Variants in DCUN1D3 observed in about 807,000 individuals in gnomAD.
DCUN1D3 encodes DCN1-like protein 3.
DCUN1D3 carries 6 observed loss-of-function variants against 24.8 expected under a neutral mutation model. The ratio of observed to expected loss-of-function variants is 0.24; its 90% CI spans 0.13 to 0.48. DCUN1D3 has a LOEUF of 0.48. Ranked by LOEUF, DCUN1D3 falls within the 20% of genes least tolerant of loss-of-function variation. The pLI, the probability that DCUN1D3 is intolerant of heterozygous loss-of-function variation, is 0.99. For missense variants in DCUN1D3, 258 were observed against 379.4 expected (o/e 0.68, Z 2.66); for synonymous variants, 120 against 144.9 (o/e 0.83, Z 1.24).
Position 20,862,735 on chromosome 16 carries a change from T to C in DCUN1D3, c.-105-92A>G, listed in dbSNP as rs1315476192. 6 of 1,233,584 alleles carry C rather than the reference T, an allele frequency of 4.9e-6. No homozygotes were observed. In the Admixed American group the frequency reaches 1.8e-4, roughly 37 times the overall value. The allele number at this position is 1,233,584 out of a possible 1,614,324, so 76.4% of individuals were successfully genotyped here. A position where few individuals can be genotyped will look rare whatever the true frequency, so the allele number is the denominator to read the frequency against. ...GGTGCACACTGGTTCACCGCTCTATTTCCATGAGCCAACAACGAACCATGG... is the reference window on the plus strand; with the variant it reads ...GGTGCACACTGGTTCACCGCTCTATCTCCATGAGCCAACAACGAACCATGG... On this transcript the variant is annotated intron_variant, in intron 1 of 2. Transcript: ENST00000324344.
chr16:20,879,615 A>G (rs574095658), intron 1 of DCUN1D3, among the ~76,000 whole-genome samples: 1 of 152,370 alleles, frequency 6.6e-6, no homozygotes, highest in Non-Finnish European at 1.5e-5. Flanking sequence ...AAATGCAGGC[A>G]TTTAACAAGT....
chr16:20,860,241 A>G lies in DCUN1D3; in HGVS notation c.560T>C (p.Phe187Ser). The change falls in exon 3 of 3, where the codon TTT (phenylalanine) becomes TCT (serine). Residue 187 changes from phenylalanine to serine, a missense_variant. Physicochemically the swap from Phe to Ser is radical, Grantham distance 155. Coordinates refer to ENST00000324344, the MANE Select transcript of DCUN1D3 (RefSeq NM_173475.4). This position sits in a 1 kb window ranked among gnomAD's most constrained non-coding sequence, Gnocchi z 4.3. ...DKFKDLYRFT[F>S]QFGLDSEEGQ... The stretch of plus-strand genomic sequence containing the variant: ...TTCTTCAGAGTCCAGGCCAAACTGA[A>G]ATGTAAACCGGTAGAGATCCTTGAA... 6.2e-7 allele frequency: 1 copy of G among 1,614,236 alleles called. No homozygotes were observed. Among genetic ancestry groups the G allele is most frequent in the Admixed American group, 1.7e-5 (1 of 60,034 alleles).
intron 1 of DCUN1D3, among the ~76,000 whole-genome samples, chr16:20,884,530 G>A (rs2081859882): frequency 6.6e-6 from 1 of 152,170 alleles, no homozygotes; most frequent in African/African-American, 2.4e-5. Flanking sequence ...TCTTATAATT[G>A]TATATCCAAG....
intron 1 of DCUN1D3, among the ~76,000 whole-genome samples, chr16:20,866,456 A>G (rs2081762695): frequency 6.6e-6 from 1 of 151,810 alleles, no homozygotes; most frequent in Admixed American, 6.6e-5. Flanking sequence ...CCCCGCCCCC[A>G]CTGGACAGAT....
At chr16:20,882,213 G>A (rs949713734) in intron 1 of DCUN1D3, among the ~76,000 whole-genome samples, 14 of 151,154 alleles carry the variant, frequency 9.3e-5, no homozygotes, top group African/African-American at 3.4e-4. Flanking sequence ...CTGACTGAGA[G>A]CCTCTCTGCC....
Position 20,859,507 on chromosome 16 carries a change from C to T in DCUN1D3, c.*379G>A, listed in dbSNP as rs78422650. On this transcript the variant is annotated 3_prime_UTR_variant, in exon 3 of 3. Transcript: ENST00000324344. ...TAATGTTAATTCAACCTAACAGTCCCATCCCCCCGCCCTGCTCTATGCCCT... is the reference window on the plus strand; with the variant it reads ...TAATGTTAATTCAACCTAACAGTCCTATCCCCCCGCCCTGCTCTATGCCCT... 1 of 169,864 alleles carries T rather than the reference C, an allele frequency of 5.9e-6. No individual in the cohort carries two copies. Among genetic ancestry groups the T allele is most frequent in the African/African-American group, 2.5e-5 (1 of 39,230 alleles). 10.5% of individuals were successfully genotyped at this position (169,864 alleles called of 1,614,324 possible). A position where few individuals can be genotyped will look rare whatever the true frequency, so the allele number is the denominator to read the frequency against.
rs1386380289 is a variant in DCUN1D3 at position 20,855,088 on chromosome 16, A to G, written c.*4798T>C. 6.6e-6 allele frequency: 1 copy of G among 152,616 alleles called. No individual in the cohort carries two copies. The highest frequency in any genetic ancestry group is 1.5e-5 in the Non-Finnish European group (1 of 68,032). The allele number at this position is 152,616 out of a possible 1,614,324, so 9.5% of individuals were successfully genotyped here. A position where few individuals can be genotyped will look rare whatever the true frequency, so the allele number is the denominator to read the frequency against. On this transcript the variant is annotated 3_prime_UTR_variant, in exon 3 of 3. Coordinates refer to ENST00000324344, the MANE Select transcript of DCUN1D3 (RefSeq NM_173475.4). ...CAACAGTGCAGAAAATACAAACAAAAGTATTAACTTTTGTCAAGTTTGTAC... is the reference window on the plus strand; with the variant it reads ...CAACAGTGCAGAAAATACAAACAAAGGTATTAACTTTTGTCAAGTTTGTAC...
chr16:20,881,407 A>T (rs1043051191), intron 1 of DCUN1D3, among the ~76,000 whole-genome samples: 4 of 152,190 alleles, frequency 2.6e-5, no homozygotes, highest in African/African-American at 9.7e-5. Context: ...ATCCTGTCTC[A>T]AAATAAATAA....
rs61506075 is a variant in DCUN1D3 at position 20,859,540 on chromosome 16, CAAAAAAAAAAA to C, written c.*335_*345del. ...CGCCCTGCTCTATGCCCTCCCCTAC[CAAAAAAAAAAA>C]AAAAAAAACAAAAAAAAACAAAAAA... On this transcript the variant is annotated 3_prime_UTR_variant, in exon 3 of 3. Transcript: ENST00000324344. 1.1e-4 allele frequency: 8 copies of C among 71,490 alleles called. No homozygotes were observed. The highest frequency in any genetic ancestry group is 4.3e-4 in the African/African-American group (7 of 16,124). 4.4% of individuals were successfully genotyped at this position (71,490 alleles called of 1,614,324 possible).
At chr16:20,869,868 G>A (rs1294501541) in intron 1 of DCUN1D3, among the ~76,000 whole-genome samples, 1 of 152,004 alleles carries the variant, frequency 6.6e-6, no homozygotes, top group Non-Finnish European at 1.5e-5. Context: ...CTCTAAACTC[G>A]CCACTTTCCA....
intron 1 of DCUN1D3, among the ~76,000 whole-genome samples, chr16:20,889,158 G>A (rs2081880387): frequency 6.7e-6 from 1 of 149,352 alleles, no homozygotes; most frequent in South Asian, 2.1e-4. Context: ...CCAGGAGGCG[G>A]AGGTTGCAGT....
In DCUN1D3 at chr16:20,862,234, C is replaced by T. The variant is rs141394610; in HGVS notation, c.305G>A (p.Arg102Gln). ...GCCTTCCTCCAAAATTGCATCTTCC[C>T]GCTCATCCTTGTAGCGCCTGAACAG... is the stretch of plus-strand genomic sequence containing the variant. ...EELFRRYKDE[R>Q]EDAILEEGME... Residue 102 changes from arginine to glutamine, a missense_variant, in exon 2 of 3, where the codon CGG becomes CAG. Transcript: ENST00000324344. The T allele has an allele frequency of 2.2e-5, 36 of 1,614,108 alleles. No homozygotes were observed. The highest frequency in any genetic ancestry group is 9.3e-5 in the African/African-American group (7 of 74,934).
At chr16:20,882,191 C>A (rs1427110214) in intron 1 of DCUN1D3, among the ~76,000 whole-genome samples, 1 of 151,922 alleles carries the variant, frequency 6.6e-6, no homozygotes, top group Non-Finnish European at 1.5e-5. Flanking sequence ...TTACTTCCCA[C>A]AGGACTCCTT....
At chr16:20,886,956 A>C (rs897985050) in intron 1 of DCUN1D3, among the ~76,000 whole-genome samples, 1 of 152,226 alleles carries the variant, frequency 6.6e-6, no homozygotes, top group Non-Finnish European at 1.5e-5. Flanking sequence ...CATCCTAAGC[A>C]CTATTGTCCA....
intron 1 of DCUN1D3, among the ~76,000 whole-genome samples, chr16:20,870,922 T>C (rs916503023): frequency 6.6e-6 from 1 of 152,218 alleles, no homozygotes; most frequent in East Asian, 1.9e-4. Flanking sequence ...GCGGTTGTAC[T>C]GGCACAGCCA....
rs1240918595 is a variant in DCUN1D3 at position 20,859,797 on chromosome 16, G to C, written c.*89C>G. 18 of 1,479,058 alleles carry C rather than the reference G, an allele frequency of 1.2e-5. No homozygotes were observed. The highest frequency in any genetic ancestry group is 1.5e-5 in the Non-Finnish European group (17 of 1,108,108). The allele number at this position is 1,479,058 out of a possible 1,614,324, so 91.6% of individuals were successfully genotyped here. A position where few individuals can be genotyped will look rare whatever the true frequency, so the allele number is the denominator to read the frequency against. Reference sequence around the variant, plus strand: ...AAAGGTGTAAAGTAGAAAATATCCGGATCTTCAGTAATTTCCAAAATGGTC... The same window carrying C: ...AAAGGTGTAAAGTAGAAAATATCCGCATCTTCAGTAATTTCCAAAATGGTC... On this transcript the variant is annotated 3_prime_UTR_variant, in exon 3 of 3. Transcript: ENST00000324344.
Position 20,860,314 on chromosome 16 carries a change from A to G in DCUN1D3, c.487T>C (p.Cys163Arg). 1.2e-6 allele frequency: 2 copies of G among 1,614,206 alleles called. No individual in the cohort carries two copies. Among genetic ancestry groups the G allele is most frequent in the Non-Finnish European group, 1.7e-6 (2 of 1,180,014 alleles). The change falls in exon 3 of 3, where the codon TGT (cysteine) becomes CGT (arginine). Residue 163 changes from cysteine (C) to arginine (R), a missense_variant. Coordinates refer to ENST00000324344, the MANE Select transcript of DCUN1D3 (RefSeq NM_173475.4). This position sits in a 1 kb window ranked among gnomAD's most constrained non-coding sequence, Gnocchi z 4.3. The part of the protein sequence containing the change: ...AISADSIDGI[C>R]ARFPSLLTEA... ...GTTAAGAGGCTAGGGAACCGTGCAC[A>G]GATTCCGTCAATGCTGTCTGCACTT... is the stretch of plus-strand genomic sequence containing the variant.
intron 1 of DCUN1D3, among the ~76,000 whole-genome samples, chr16:20,892,184 T>C (rs2081895141): frequency 6.6e-6 from 1 of 152,178 alleles, no homozygotes; most frequent in South Asian, 2.1e-4. Context: ...TTTGAGTAAA[T>C]GACTGAACAA....
At position 20,862,399 on chromosome 16, in the gene DCUN1D3, G is replaced by A. The variant is rs371819424; in HGVS notation, c.140C>T (p.Pro47Leu). 1 of 1,613,936 alleles carries A rather than the reference G, an allele frequency of 6.2e-7. No homozygotes were observed. Among genetic ancestry groups the A allele is most frequent in the African/African-American group, 1.3e-5 (1 of 74,916 alleles). ...CCCGTTGACGAGGATATCTCCACCT[G>A]GCTTGCCACAGGGTGGTACCTGCTC... The part of the protein sequence containing the change: ...REEQVPPCGK[P>L]GGDILVNGTK... The change falls in exon 2 of 3, where the codon CCA (proline) becomes CTA (leucine). Residue 47 changes from proline to leucine, a missense_variant. Transcript: ENST00000324344.
Sources: allele counts gnomAD v4.1 joint callset (sites outside exome capture counted in the v4.1 genomes callset), GRCh38; gene constraint gnomAD v4.1.1; non-coding constraint Gnocchi (gnomAD v3.1); transcripts MANE v1.5; gene names NCBI Gene and HGNC (gene_info 2026-07-23, HGNC 2026-07-21).